TMPRSS11A: variants seen among roughly 807,000 people sequenced by gnomAD.
TMPRSS11A encodes transmembrane serine protease 11A.
A neutral mutation model predicts 58.9 loss-of-function variants in TMPRSS11A; 53 were observed. That is an observed-to-expected ratio of 0.90 (90% CI 0.72 to 1.13). TMPRSS11A has a LOEUF of 1.13. Among genes scored for constraint, TMPRSS11A ranks in the 50% most tolerant of loss-of-function variants. TMPRSS11A has a pLI of 0.00. For missense variants in TMPRSS11A, 493 were observed against 499.3 expected, an observed-to-expected ratio of 0.99 and a Z score of 0.12; for synonymous variants, 167 against 169.8, an observed-to-expected ratio of 0.98 and a Z score of 0.13.
intron 6 of TMPRSS11A, 129 bp downstream of exon 6, chr4:67,923,999 C>G: frequency 1.2e-6 from 1 of 829,768 alleles, no homozygotes; most frequent in Non-Finnish European, 2.0e-6. Context: ...GTATTTAAAT[C>G]TATCGTACAA....
intron 1 of TMPRSS11A, among the ~76,000 whole-genome samples, chr4:67,959,514 A>T (rs1721372627): frequency 6.6e-6 from 1 of 152,246 alleles, no homozygotes; most frequent in South Asian, 2.1e-4. Flanking sequence ...AAAAACAAAT[A>T]ACCCCATTAA....
chr4:67,928,210 A>T (rs1720521582), intron 5 of TMPRSS11A, among the ~76,000 whole-genome samples: 1 of 152,064 alleles, frequency 6.6e-6, no homozygotes, highest in African/African-American at 2.4e-5. Context: ...AGGCCTGACT[A>T]ATATTTTGTA....
At chr4:67,931,781 T>C (rs1211827745) in intron 4 of TMPRSS11A, among the ~76,000 whole-genome samples, 1 of 152,188 alleles carries the variant, frequency 6.6e-6, no homozygotes, top group Non-Finnish European at 1.5e-5. Flanking sequence ...TGGTGAACTT[T>C]GAACATATTT....
intron 4 of TMPRSS11A, among the ~76,000 whole-genome samples, chr4:67,930,829 T>TTTTTTTTTTTTA (rs1265700805): frequency 8.9e-5 from 8 of 90,158 alleles, no homozygotes; most frequent in Non-Finnish European, 1.7e-4. Context: ...TTTTTTTTTT[T>TTTTTTTTTTTTA]ACAAAAAAAA....
chr4:67,925,375 T>G (rs538960542), intron 5 of TMPRSS11A, among the ~76,000 whole-genome samples: 1 of 152,318 alleles, frequency 6.6e-6, no homozygotes, highest in Admixed American at 6.5e-5. Context: ...ATGACTTAGC[T>G]TATTGAGCAG....
chr4:67,921,471 T>C (rs1720328864), intron 7 of TMPRSS11A, among the ~76,000 whole-genome samples: 1 of 152,112 alleles, frequency 6.6e-6, no homozygotes, highest in Admixed American at 6.5e-5. Context: ...GTAGCTGGGA[T>C]GATAGGTAGG....
chr4:67,957,218 A>G (rs982032955), intron 1 of TMPRSS11A, among the ~76,000 whole-genome samples: 2 of 152,206 alleles, frequency 1.3e-5, no homozygotes, highest in African/African-American at 4.8e-5. Flanking sequence ...GGTGCCACTG[A>G]AAAGATACCT....
chr4:67,919,080 A>G lies in TMPRSS11A; in HGVS notation c.845T>C (p.Val282Ala). The change falls in exon 8 of 10, where the codon GTC (valine) becomes GCC (alanine). Residue 282 changes from valine (V) to alanine (A), a missense_variant. Coordinates refer to ENST00000508048, the MANE Select transcript of TMPRSS11A (RefSeq NM_001114387.2). ...DIAVVQVSSR[V>A]TFSDDIRQIC... ...CTGGCGTATGTCATCCGAAAAGGTG[A>G]CTCTGGAAGAGACCTGCACAACAGC... The G allele has an allele frequency of 6.2e-7, 1 of 1,614,074 alleles. No individual in the cohort carries two copies. The highest frequency in any genetic ancestry group is 8.5e-7 in the Non-Finnish European group (1 of 1,180,004).
At chr4:67,919,338 C>A in intron 7 of TMPRSS11A, 106 bp from the exon 8 acceptor site, 2 of 1,019,112 alleles carry the variant, frequency 2.0e-6, no homozygotes, top group Non-Finnish European at 2.9e-6. Flanking sequence ...CCTGAGAATA[C>A]TTGGCTGCAG....
intron 9 of TMPRSS11A, among the ~76,000 whole-genome samples, chr4:67,914,206 C>CT (rs1720083355): frequency 6.6e-6 from 1 of 152,210 alleles, no homozygotes; most frequent in Non-Finnish European, 1.5e-5. Flanking sequence ...TCTCATCTCT[C>CT]TGATACTTGT....
intron 9 of TMPRSS11A, among the ~76,000 whole-genome samples, chr4:67,914,209 A>G (rs1404610313): frequency 6.6e-6 from 1 of 152,176 alleles, no homozygotes; most frequent in Admixed American, 6.5e-5. Context: ...CATCTCTCTG[A>G]TACTTGTTCC....
At chr4:67,957,257 G>C (rs1390515534) in intron 1 of TMPRSS11A, among the ~76,000 whole-genome samples, 1 of 152,186 alleles carries the variant, frequency 6.6e-6, no homozygotes, top group African/African-American at 2.4e-5. Context: ...TTGGAACTGG[G>C]TAATATGCAG....
intron 8 of TMPRSS11A, 52 bp from the exon 9 acceptor site, chr4:67,914,782 G>C (rs375841865): frequency 1.9e-5 from 29 of 1,495,152 alleles, no homozygotes; most frequent in Non-Finnish European, 2.5e-5. Flanking sequence ...TCTTTGGCTA[G>C]AGTGAAGTGA....
chr4:67,961,482 C>CTTTTTTTTT (rs1721418705), intron 1 of TMPRSS11A, among the ~76,000 whole-genome samples: 3 of 102,452 alleles, frequency 2.9e-5, no homozygotes, highest in African/African-American at 1.4e-4. Context: ...CTTTTCTTTT[C>CTTTTTTTTT]CTTTTTTTTT....
chr4:67,952,640 G>T (rs1348172879), intron 1 of TMPRSS11A, among the ~76,000 whole-genome samples: 1 of 152,210 alleles, frequency 6.6e-6, no homozygotes, highest in Non-Finnish European at 1.5e-5. Context: ...TGTGAGATAA[G>T]TGTGTATGGA....
At chr4:67,942,986 A>T (rs1224627226) in intron 3 of TMPRSS11A, among the ~76,000 whole-genome samples, 1 of 152,222 alleles carries the variant, frequency 6.6e-6, no homozygotes, top group East Asian at 1.9e-4. Context: ...TTTTGTAAGA[A>T]TGAATACAAA....
rs1289160799 is a variant in TMPRSS11A at position 67,944,593 on chromosome 4, G to T, written c.178C>A (p.Pro60Thr). ...TGTCCGAAATTGTTATTGATTTGTG[G>T]ATCTAAAATTTTAAAGGAGCCATGA... ...YYHGSFKILD[P>T]QINNNFGQSN... is the part of the protein sequence containing the mutation. Residue 60 changes from proline (P) to threonine (T), a missense_variant, in exon 3 of 10, where the codon CCA becomes ACA. Pro to Thr is a conservative substitution (Grantham distance 38). Coordinates refer to ENST00000508048, the MANE Select transcript of TMPRSS11A (RefSeq NM_001114387.2). 6.2e-7 allele frequency: 1 copy of T among 1,612,608 alleles called. No homozygotes were observed. The highest frequency in any genetic ancestry group is 1.3e-5 in the African/African-American group (1 of 74,962).
chr4:67,943,626 C>T (rs151182696), intron 3 of TMPRSS11A, among the ~76,000 whole-genome samples: 7 of 152,020 alleles, frequency 4.6e-5, no homozygotes, highest in South Asian at 2.1e-4. Flanking sequence ...AATCTGTAGA[C>T]ATTAATTATT....
intron 3 of TMPRSS11A, among the ~76,000 whole-genome samples, chr4:67,933,277 C>G (rs1369749545): frequency 6.6e-6 from 1 of 152,126 alleles, no homozygotes; most frequent in African/African-American, 2.4e-5. Context: ...ATCTTCATTC[C>G]TGTTAGAAAT....
Sources: allele counts gnomAD v4.1 joint callset (sites outside exome capture counted in the v4.1 genomes callset), GRCh38; gene constraint gnomAD v4.1.1; transcripts MANE v1.5; gene names NCBI Gene and HGNC (gene_info 2026-07-23, HGNC 2026-07-21).